Variants in TMPRSS6 observed in about 807,000 individuals in gnomAD.
TMPRSS6 encodes transmembrane protease serine 6.
Under a neutral mutation model 101.5 loss-of-function variants are expected in TMPRSS6, and 67 were observed. The ratio of observed to expected loss-of-function variants is 0.66; its 90% CI spans 0.54 to 0.81. The LOEUF is 0.81. Ranked by LOEUF, TMPRSS6 falls within the 30% of genes least tolerant of loss-of-function variation. The probability of loss-of-function intolerance (pLI) is 0.00; values close to 1 mark genes in which losing one functional copy is unlikely to be tolerated. For missense variants in TMPRSS6, 1,034 were observed against 1,088.7 expected, an observed-to-expected ratio of 0.95 and a Z score of 0.71; for synonymous variants, 453 against 464.9, an observed-to-expected ratio of 0.97 and a Z score of 0.33.
intron 6 of TMPRSS6, among the ~76,000 whole-genome samples, chr22:37,091,130 C>T (rs761545488): frequency 1.3e-5 from 2 of 152,102 alleles, no homozygotes; most frequent in African/African-American, 2.4e-5. Context: ...GACTGTGCAC[C>T]GACTGTGTGT....
chr22:37,087,155 G>T (rs1329516002), intron 7 of TMPRSS6, among the ~76,000 whole-genome samples: 1 of 152,138 alleles, frequency 6.6e-6, no homozygotes, highest in Non-Finnish European at 1.5e-5. Flanking sequence ...TCAGACAGGG[G>T]TTCCCCAGCT....
chr22:37,066,332 A>G (rs927823436), intron 17 of TMPRSS6, 94 bp from the exon 18 acceptor site: 12 of 1,269,208 alleles, frequency 9.5e-6, no homozygotes, highest in Non-Finnish European at 1.2e-5. Flanking sequence ...ACTGTTGGGA[A>G]TTGACTGGGT....
In TMPRSS6 at chr22:37,089,922, T is replaced by C. The variant is rs2146126353; in HGVS notation, c.632-140A>G. 1.1e-5 allele frequency: 8 copies of C among 712,170 alleles called. No individual in the cohort carries two copies. In the South Asian group the frequency reaches 1.5e-4, roughly 13 times the overall value. 44.1% of individuals were successfully genotyped at this position (712,170 alleles called of 1,614,324 possible). On this transcript the variant is annotated intron_variant, in intron 6 of 17. Transcript: ENST00000676104. The stretch of plus-strand genomic sequence containing the variant: ...CGGGTGGGGATAGCCAGACATGCTC[T>C]ACCCCATCCTTCTCTTTCCCTGTCA...
chr22:37,094,513 G>T (rs977225858), intron 6 of TMPRSS6, among the ~76,000 whole-genome samples: 1 of 143,052 alleles, frequency 7.0e-6, no homozygotes, highest in African/African-American at 2.7e-5. Flanking sequence ...TAGATAACTA[G>T]ATAGACAAGC....
chr22:37,091,971 A>G (rs936214698), intron 6 of TMPRSS6, among the ~76,000 whole-genome samples: 2 of 152,208 alleles, frequency 1.3e-5, no homozygotes, highest in Non-Finnish European at 2.9e-5. Context: ...ATGTCTGCCT[A>G]GGGAAGGGAC....
At chr22:37,072,593 T>TG (rs1927153667) in intron 13 of TMPRSS6, among the ~76,000 whole-genome samples, 6 of 104,680 alleles carry the variant, frequency 5.7e-5, no homozygotes, top group South Asian at 3.1e-4. Context: ...GATGGATGGA[T>TG]GATGGATGGA....
In TMPRSS6 at chr22:37,070,601, G is replaced by T. The variant is rs757002229; in HGVS notation, c.1724C>A (p.Ser575Tyr). 1 of 1,613,276 alleles carries T rather than the reference G, an allele frequency of 6.2e-7. No individual in the cohort carries two copies. Among genetic ancestry groups the T allele is most frequent in the Middle Eastern group, 1.6e-4 (1 of 6,062 alleles). Residue 575 changes from serine to tyrosine, a missense_variant, in exon 15 of 18, where the codon TCC becomes TAC. Physicochemically the swap from Ser to Tyr is moderately radical, Grantham distance 144. Coordinates refer to ENST00000676104, the MANE Select transcript of TMPRSS6 (RefSeq NM_001374504.1). ...GGCCTGCCATGGCCACTCACCCTCG[G>T]AGGACACAGCTCCACCAACAATGCG... Reference protein sequence around the residue: ...SSRIVGGAVSSEGEWPWQASL... With the variant: ...SSRIVGGAVSYEGEWPWQASL...
At chr22:37,102,129 T>G (rs1182584000) in intron 2 of TMPRSS6, among the ~76,000 whole-genome samples, 2 of 152,252 alleles carry the variant, frequency 1.3e-5, no homozygotes, top group Non-Finnish European at 2.9e-5. Context: ...TCAACAGGCC[T>G]GGAATTCCAC....
Position 37,070,625 on chromosome 22 carries a change from C to A in TMPRSS6, c.1700G>T (p.Arg567Leu), listed in dbSNP as rs779352087. The A allele has an allele frequency of 9.9e-6, 16 of 1,613,016 alleles. No homozygotes were observed. Among genetic ancestry groups the A allele is most frequent in the Middle Eastern group, 1.6e-4 (1 of 6,062 alleles). Residue 567 changes from arginine to leucine, a missense_variant, in exon 15 of 18, where the codon CGC becomes CTC. Arg to Leu is a moderately radical substitution (Grantham distance 102). Coordinates refer to ENST00000676104, the MANE Select transcript of TMPRSS6 (RefSeq NM_001374504.1). ...CDCGLQGPSS[R>L]IVGGAVSSEG... The stretch of plus-strand genomic sequence containing the variant: ...GGAGGACACAGCTCCACCAACAATG[C>A]GGCTGGAGGGGCCCTGGAGGCCACA...
chr22:37,084,275 G>A lies in TMPRSS6; in HGVS notation c.1196+20C>T, dbSNP rs1341671920. On this transcript the variant is annotated intron_variant, in intron 10 of 17. Transcript: ENST00000676104. ...GGGGGAGGGAGGAAAGGAAGCCAGA[G>A]GGAGGAGAGGAAGTGGTACCTCCTG... 1 of 1,599,814 alleles carries A rather than the reference G, an allele frequency of 6.3e-7. No individual in the cohort carries two copies. The highest frequency in any genetic ancestry group is 8.6e-7 in the Non-Finnish European group (1 of 1,168,848).
chr22:37,099,905 G>A (rs1378948477), intron 2 of TMPRSS6, among the ~76,000 whole-genome samples: 1 of 152,136 alleles, frequency 6.6e-6, no homozygotes, highest in Non-Finnish European at 1.5e-5. Flanking sequence ...GGGAGGACTC[G>A]GGCTTTCACC....
chr22:37,090,030 G>A (rs1430675755), intron 6 of TMPRSS6, among the ~76,000 whole-genome samples: 1 of 152,228 alleles, frequency 6.6e-6, no homozygotes, highest in African/African-American at 2.4e-5. Context: ...CCTTCTCAGT[G>A]CCCAGGTAAA....
At chr22:37,089,027 G>C (rs1009100303) in intron 7 of TMPRSS6, among the ~76,000 whole-genome samples, 4 of 152,122 alleles carry the variant, frequency 2.6e-5, no homozygotes, top group African/African-American at 7.2e-5. Context: ...GAGCTCTGAT[G>C]CATTGCTAGA....
chr22:37,080,962 G>A (rs558113563), intron 10 of TMPRSS6, among the ~76,000 whole-genome samples: 5 of 152,374 alleles, frequency 3.3e-5, no homozygotes, highest in Middle Eastern at 3.4e-3. Flanking sequence ...ATGTACGCAC[G>A]CACACAGACA....
At chr22:37,098,584 A>T in intron 2 of TMPRSS6, 35 bp from the exon 3 acceptor site, 1 of 1,613,888 alleles carries the variant, frequency 6.2e-7, no homozygotes, top group Non-Finnish European at 8.5e-7. Context: ...TTAGTGGAGG[A>T]AGCAGGTGGG....
intron 6 of TMPRSS6, among the ~76,000 whole-genome samples, chr22:37,094,382 G>GATAGATAC (rs1555891524): frequency 4.6e-5 from 2 of 43,956 alleles, no homozygotes; most frequent in African/African-American, 2.1e-4. Context: ...AATGATTGAT[G>GATAGATAC]ATAGATAGAT....
At chr22:37,095,524 T>C in intron 6 of TMPRSS6, 27 bp downstream of exon 6, 1 of 1,601,336 alleles carries the variant, frequency 6.2e-7, no homozygotes, top group African/African-American at 1.4e-5. Flanking sequence ...AAAAGGAAAA[T>C]GGGGAGGGGA....
Position 37,097,690 on chromosome 22 carries a change from G to A in TMPRSS6, c.336+726C>T, listed in dbSNP as rs543591331. ...CGTCCTGTAACGGAGGGGCAGGAGC[G>A]GGCCACCGTCTTGTAACAGAGGGGC... On this transcript the variant is annotated intron_variant, in intron 3 of 17. Transcript: ENST00000676104. Among the ~76,000 whole-genome samples the A allele has an allele frequency of 8.0e-3, 1,150 of 143,714 alleles. 45 individuals carry two copies. Among genetic ancestry groups the A allele is most frequent in the African/African-American group, 0.029 (1,081 of 37,724 alleles). The allele number at this position is 143,714 out of a possible 152,430, so 94.3% of individuals were successfully genotyped here.
chr22:37,067,475 CAAAA>C lies in TMPRSS6; in HGVS notation c.2114-517_2114-514del, dbSNP rs550232829. 1.9e-4 allele frequency among the ~76,000 whole-genome samples: 29 copies of C among 148,942 alleles called. 1 individual carries two copies. The South Asian group carries it at 5.4e-3, about 28-fold the overall frequency. On this transcript the variant is annotated intron_variant, in intron 16 of 17. Transcript: ENST00000676104. Reference sequence around the variant, plus strand: ...AGAGCGAAACTCTGTCTCAAAAAAACAAAAAAAAGAAAAAAGAAAAAAGCCCGTG... The same window carrying C: ...AGAGCGAAACTCTGTCTCAAAAAAACAAAAGAAAAAAGAAAAAAGCCCGTG...
Sources: gnomAD v4.1 joint callset for allele counts (sites outside exome capture counted in the v4.1 genomes callset) on GRCh38, gnomAD v4.1.1 for gene constraint, MANE v1.5 for transcripts, NCBI Gene and HGNC (gene_info 2026-07-23, HGNC 2026-07-21) for gene names.